The following FBXW8 variants were observed in gnomAD, a reference collection of about 807,000 sequenced individuals.
The protein encoded by FBXW8 is F-box and WD repeat domain containing 8, also known as F-box/WD repeat-containing protein 8.
A neutral mutation model predicts 65.3 loss-of-function variants in FBXW8; 57 were observed. That is an observed-to-expected ratio of 0.87 (90% CI 0.71 to 1.09). The LOEUF is 1.09. Ranked by LOEUF, FBXW8 falls within the 50% of genes least tolerant of loss-of-function variation. The probability of loss-of-function intolerance (pLI) is 0.00; values close to 1 mark genes in which losing one functional copy is unlikely to be tolerated. For synonymous variants in FBXW8, 308 were observed against 330.2 expected, an observed-to-expected ratio of 0.93 and a Z score of 0.73; for missense variants, 777 against 814.8, an observed-to-expected ratio of 0.95 and a Z score of 0.57.
chr12:116,962,165 G>C (rs1282767473), intron 4 of FBXW8, among the ~76,000 whole-genome samples: 1 of 152,194 alleles, frequency 6.6e-6, no homozygotes, highest in African/African-American at 2.4e-5. Context: ...TAGACGTGTG[G>C]AGTCACAGTG....
chr12:116,995,278 A>C (rs1953349360), intron 7 of FBXW8, among the ~76,000 whole-genome samples: 1 of 152,108 alleles, frequency 6.6e-6, no homozygotes, highest in Non-Finnish European at 1.5e-5. Context: ...CAATTCTTTT[A>C]ATCTGACCTG....
intron 8 of FBXW8, among the ~76,000 whole-genome samples, chr12:117,021,712 C>T (rs1023765590): frequency 1.3e-5 from 2 of 152,192 alleles, no homozygotes; most frequent in Admixed American, 6.5e-5. Context: ...ACTGTCCCTT[C>T]TCACTGATAA....
intron 2 of FBXW8, among the ~76,000 whole-genome samples, chr12:116,933,066 T>G (rs1445537979): frequency 6.6e-6 from 1 of 152,202 alleles, no homozygotes; most frequent in Non-Finnish European, 1.5e-5. Flanking sequence ...AGCCTATGAG[T>G]TGCATTAAGC....
intron 8 of FBXW8, among the ~76,000 whole-genome samples, chr12:117,014,085 T>C (rs965679518): frequency 6.6e-6 from 1 of 152,204 alleles, no homozygotes; most frequent in African/African-American, 2.4e-5. Context: ...TGTGAAATTT[T>C]CCAACAGGCC....
chr12:116,921,334 C>T (rs1282514828), intron 1 of FBXW8, among the ~76,000 whole-genome samples: 1 of 152,220 alleles, frequency 6.6e-6, no homozygotes, highest in Non-Finnish European at 1.5e-5. Context: ...CATAGCTAGG[C>T]ATGGGGATTA....
chr12:117,002,134 G>A (rs1421924144), intron 7 of FBXW8, among the ~76,000 whole-genome samples: 1 of 152,206 alleles, frequency 6.6e-6, no homozygotes, highest in Admixed American at 6.5e-5. Flanking sequence ...ACATCACAAA[G>A]CCCCCATGTT....
In FBXW8 at chr12:116,912,451, C is replaced by CTTTTT. The variant is rs34430069; in HGVS notation, c.318+1113_318+1117dup. On this transcript the variant is annotated intron_variant, in intron 1 of 10. Transcript: ENST00000652555. ...GTGATCCTCCCAATTGAGAATCATT[C>CTTTTT]TTTTTTTTTTTTTTTTTTTTTGAGA... 4.9e-4 allele frequency among the ~76,000 whole-genome samples: 42 copies of CTTTTT among 86,448 alleles called. 2 individuals carry two copies. The highest frequency in any genetic ancestry group is 1.5e-3 in the African/African-American group (39 of 26,026). The allele number at this position is 86,448 out of a possible 152,430, so 56.7% of individuals were successfully genotyped here.
At chr12:117,017,698 T>C (rs763791179) in intron 8 of FBXW8, among the ~76,000 whole-genome samples, 17 of 152,222 alleles carry the variant, frequency 1.1e-4, no homozygotes, top group Non-Finnish European at 2.2e-4. Context: ...TACATTGTAA[T>C]ACCTTATTGC....
At chr12:116,984,557 T>G (rs1391722523) in intron 5 of FBXW8, among the ~76,000 whole-genome samples, 1 of 152,240 alleles carries the variant, frequency 6.6e-6, no homozygotes, top group Non-Finnish European at 1.5e-5. Flanking sequence ...TGAGCATCCC[T>G]AATCCAAAAT....
chr12:116,955,753 C>T (rs1180414531), intron 4 of FBXW8, among the ~76,000 whole-genome samples: 2 of 152,138 alleles, frequency 1.3e-5, no homozygotes, highest in Non-Finnish European at 2.9e-5. Context: ...CTTCCTTCTC[C>T]CCAGTTGCCC....
chr12:116,960,793 CT>C, intron 4 of FBXW8, among the ~76,000 whole-genome samples: 1 of 152,136 alleles, frequency 6.6e-6, no homozygotes, highest in Non-Finnish European at 1.5e-5. Flanking sequence ...TTCTTGAAGA[CT>C]TTACAGTCAA....
At chr12:117,011,914 C>G (rs1953827538) in intron 8 of FBXW8, among the ~76,000 whole-genome samples, 1 of 152,164 alleles carries the variant, frequency 6.6e-6, no homozygotes, top group South Asian at 2.1e-4. Context: ...GAATTTGCAG[C>G]AAGCCAAGTA....
intron 1 of FBXW8, among the ~76,000 whole-genome samples, chr12:116,917,104 G>A (rs1391720671): frequency 6.6e-6 from 1 of 152,166 alleles, no homozygotes. Flanking sequence ...TCCAGAGTCA[G>A]TGTGGATTTA....
At chr12:116,932,295 C>T (rs1251430790) in intron 2 of FBXW8, among the ~76,000 whole-genome samples, 1 of 152,066 alleles carries the variant, frequency 6.6e-6, no homozygotes, top group African/African-American at 2.4e-5. Context: ...CATTTTCATC[C>T]CTGGATTCTA....
At chr12:116,925,137 G>T (rs145972801) in intron 1 of FBXW8, among the ~76,000 whole-genome samples, 1 of 152,170 alleles carries the variant, frequency 6.6e-6, no homozygotes, top group Non-Finnish European at 1.5e-5. Flanking sequence ...TTGCATGTAG[G>T]TGGTTTAGTG....
rs1879868998 is a variant in FBXW8, at chr12:116,910,999, T to A, written c.-39T>A. 1 of 1,362,070 alleles carries A rather than the reference T, an allele frequency of 7.3e-7. No homozygotes were observed. Among genetic ancestry groups the A allele is most frequent in the African/African-American group, 1.5e-5 (1 of 65,350 alleles). The allele number at this position is 1,362,070 out of a possible 1,614,324, so 84.4% of individuals were successfully genotyped here. ...GGCGGGACTGTCTCGTGGCACCCGG[T>A]GGAACCGAGGAGAACGTGGAGCGCC... On this transcript the variant is annotated 5_prime_UTR_variant, in exon 1 of 11. Coordinates refer to ENST00000652555, the MANE Select transcript of FBXW8 (RefSeq NM_153348.3).
chr12:116,949,619 A>G lies in FBXW8; in HGVS notation c.590A>G (p.Asn197Ser). The change falls in exon 4 of 11, where the codon AAT becomes AGT. Residue 197 changes from asparagine (N) to serine (S), a missense_variant and splice_region_variant. Asn to Ser is a conservative substitution (Grantham distance 46, BLOSUM62 1). Transcript: ENST00000652555. ...KEHMLRTNWK[N>S]RKGAVSELEH... ...TGCATCCCCCTTTTCCTCACGCAGA[A>G]TCGCAAAGGTGCCGTGAGCGAGCTG... The G allele has an allele frequency of 6.2e-7, 1 of 1,614,202 alleles. No individual in the cohort carries two copies. The highest frequency in any genetic ancestry group is 1.1e-5 in the South Asian group (1 of 91,088).
At chr12:116,986,022 G>C (rs1885654438) in intron 6 of FBXW8, 1 of 152,250 alleles carries the variant, frequency 6.6e-6, no homozygotes, top group African/African-American at 2.4e-5. Context: ...TTTGTAGAGT[G>C]GGAGATGATT....
Position 116,945,271 on chromosome 12 carries a change from C to T in FBXW8, c.424-93C>T, listed in dbSNP as rs1345177962. 18 of 1,285,156 alleles carry T rather than the reference C, an allele frequency of 1.4e-5. No homozygotes were observed. In the Admixed American group the frequency reaches 4.0e-4, roughly 28 times the overall value. 79.6% of individuals were successfully genotyped at this position (1,285,156 alleles called of 1,614,324 possible). On this transcript the variant is annotated intron_variant, in intron 2 of 10. Transcript: ENST00000652555. ...GAGACATTTTATACTGCCATAAACC[C>T]AGGGCAATAATATAGGTGTTGATTG...
Sources: allele counts gnomAD v4.1 joint callset (sites outside exome capture counted in the v4.1 genomes callset), GRCh38; gene constraint gnomAD v4.1.1; transcripts MANE v1.5; gene names NCBI Gene and HGNC (gene_info 2026-07-23, HGNC 2026-07-21).